ENPP2: variants seen among roughly 807,000 people sequenced by gnomAD.
ENPP2 encodes ectonucleotide pyrophosphatase/phosphodiesterase 2.
Under a neutral mutation model 120.2 loss-of-function variants are expected in ENPP2, and 51 were observed. That is an observed-to-expected ratio of 0.42 (90% confidence interval 0.34 to 0.54). ENPP2 has a LOEUF of 0.54. Among genes scored for constraint, ENPP2 ranks in the 20% least tolerant of loss-of-function variants. The probability of loss-of-function intolerance (pLI) is 0.04; values close to 1 mark genes in which losing one functional copy is unlikely to be tolerated. For synonymous variants in ENPP2, 365 were observed against 366.4 expected, an observed-to-expected ratio of 1.00 and a Z score of 0.04; for missense variants, 920 against 1,066.5, an observed-to-expected ratio of 0.86 and a Z score of 1.91.
intron 1 of ENPP2, among the ~76,000 whole-genome samples, chr8:119,644,380 G>A (rs1208031013): frequency 1.3e-5 from 2 of 151,200 alleles, no homozygotes; most frequent in Non-Finnish European, 1.5e-5. Context: ...GGGGCAGGAA[G>A]GTATTAAGTA....
chr8:119,583,839 C>CA (rs747402570), intron 16 of ENPP2, 35 bp from the exon 17 acceptor site: 51 of 1,448,440 alleles, frequency 3.5e-5, no homozygotes, highest in Admixed American at 5.1e-5. Flanking sequence ...AACAGTTAAG[C>CA]ATTGTTAGGT....
chr8:119,659,186 G>A (rs758314571), intron 1 of ENPP2, among the ~76,000 whole-genome samples: 9 of 151,978 alleles, frequency 5.9e-5, no homozygotes, highest in East Asian at 1.9e-4. Flanking sequence ...ATGTGGTAGC[G>A]TGCACCTGTA....
At chr8:119,651,676 C>A (rs993302069) in intron 1 of ENPP2, among the ~76,000 whole-genome samples, 1 of 152,186 alleles carries the variant, frequency 6.6e-6, no homozygotes, top group African/African-American at 2.4e-5. Flanking sequence ...ATAATAGGAG[C>A]CACAGATTAA....
chr8:119,610,800 G>A (rs527808894), intron 8 of ENPP2, among the ~76,000 whole-genome samples: 7 of 151,920 alleles, frequency 4.6e-5, no homozygotes, highest in Admixed American at 4.6e-4. Flanking sequence ...CTACTCAGGA[G>A]GCTGAGGCAG....
chr8:119,626,843 T>C (rs1816314575), intron 2 of ENPP2, 123 bp from the exon 3 acceptor site: 4 of 838,416 alleles, frequency 4.8e-6, no homozygotes, highest in Non-Finnish European at 7.7e-6. Flanking sequence ...ACTGGCTCCA[T>C]TACTTACTAC....
At position 119,570,690 on chromosome 8, in the gene ENPP2, A is replaced by T. The variant is rs1814890733; in HGVS notation, c.1917+15T>A. The T allele has an allele frequency of 1.4e-6, 2 of 1,453,512 alleles. No individual in the cohort carries two copies. Among genetic ancestry groups the T allele is most frequent in the Non-Finnish European group, 1.8e-6 (2 of 1,081,116 alleles). The allele number at this position is 1,453,512 out of a possible 1,614,324, so 90.0% of individuals were successfully genotyped here. The stretch of plus-strand genomic sequence containing the variant: ...TAATAAAATAAAAAATATAAAATCC[A>T]ATTTTCTCAATGACCTGTTTGGAAA... On this transcript the variant is annotated intron_variant, in intron 20 of 24. Coordinates refer to ENST00000075322, the MANE Select transcript of ENPP2 (RefSeq NM_001040092.3).
In ENPP2 at chr8:119,630,980, C is replaced by T. The variant is rs369002817; in HGVS notation, c.137-4260G>A. 1.8e-3 allele frequency among the ~76,000 whole-genome samples: 275 copies of T among 150,348 alleles called. 1 individual carries two copies. Among genetic ancestry groups the T allele is most frequent in the African/African-American group, 6.3e-3 (259 of 40,856 alleles). On this transcript the variant is annotated intron_variant, in intron 2 of 24. Coordinates refer to ENST00000075322, the MANE Select transcript of ENPP2 (RefSeq NM_001040092.3). Reference sequence around the variant, plus strand: ...TGCGATCTCGGCTCACTGCAACCCCCGCCTCCTGGGTTCAAGTGATTCTCC... The same window carrying T: ...TGCGATCTCGGCTCACTGCAACCCCTGCCTCCTGGGTTCAAGTGATTCTCC...
intron 24 of ENPP2, 133 bp downstream of exon 24, chr8:119,562,724 G>T: frequency 5.7e-6 from 5 of 876,916 alleles, no homozygotes; most frequent in East Asian, 2.6e-5. Flanking sequence ...AGTTCTGTTT[G>T]GTTCCTTTCT....
intron 10 of ENPP2, 110 bp from the exon 11 acceptor site, chr8:119,600,860 T>C: frequency 5.6e-6 from 4 of 717,080 alleles, no homozygotes; most frequent in South Asian, 3.5e-5. Context: ...GTTTAATTTA[T>C]CCTTTAACTA....
intron 20 of ENPP2, 44 bp from the exon 21 acceptor site, chr8:119,569,414 A>T: frequency 6.2e-7 from 1 of 1,604,230 alleles, no homozygotes; most frequent in Non-Finnish European, 8.5e-7. Flanking sequence ...TGGCTCTGTT[A>T]CGAACGGCTG....
chr8:119,568,386 C>A, intron 21 of ENPP2, 134 bp from the exon 22 acceptor site: 1 of 623,146 alleles, frequency 1.6e-6, no homozygotes, highest in Non-Finnish European at 2.9e-6. Context: ...TCTTTTATTC[C>A]TACTCCTAAC....
intron 1 of ENPP2, among the ~76,000 whole-genome samples, chr8:119,647,503 G>A (rs1425644886): frequency 3.9e-5 from 6 of 152,106 alleles, no homozygotes; most frequent in Non-Finnish European, 8.8e-5. Flanking sequence ...GCAAACCCAA[G>A]CCTCTTCACT....
Position 119,564,908 on chromosome 8 carries a change from C to T in ENPP2, c.2179G>A (p.Glu727Lys). The change falls in exon 23 of 25, where the codon GAA becomes AAA. Residue 727 changes from glutamate (E) to lysine (K), a missense_variant. Physicochemically the swap from Glu to Lys is moderately conservative, Grantham distance 56 (BLOSUM62 1). Transcript: ENST00000075322. ...QRVLVKKYAS[E>K]RNGVNVISGP... is the part of the protein sequence containing the mutation. Reference sequence around the variant, plus strand: ...CTTATCACGTTAACTCCATTTCTTTCCGAAGCATATTTCTTCACCAATACC... The same window carrying T: ...CTTATCACGTTAACTCCATTTCTTTTCGAAGCATATTTCTTCACCAATACC... 1 of 1,613,286 alleles carries T rather than the reference C, an allele frequency of 6.2e-7. No individual in the cohort carries two copies. The highest frequency in any genetic ancestry group is 8.5e-7 in the Non-Finnish European group (1 of 1,179,400).
chr8:119,611,748 G>T (rs1051032975), intron 8 of ENPP2, among the ~76,000 whole-genome samples: 1 of 152,130 alleles, frequency 6.6e-6, no homozygotes, highest in Admixed American at 6.5e-5. Flanking sequence ...TGGTCAGGCC[G>T]GGCGCCGTGG....
intron 13 of ENPP2, 131 bp downstream of exon 13, chr8:119,590,374 T>C: frequency 1.7e-6 from 1 of 594,642 alleles, no homozygotes; most frequent in South Asian, 3.1e-5. Context: ...AAATGACTTA[T>C]TTAAGGTCAC....
At chr8:119,568,096 G>C (rs1266227631) in intron 22 of ENPP2, 79 bp downstream of exon 22, 1 of 779,496 alleles carries the variant, frequency 1.3e-6, no homozygotes, top group Non-Finnish European at 2.2e-6. Context: ...AAAATTAACA[G>C]AGGTAGAAAA....
chr8:119,632,659 C>T (rs554011891), intron 2 of ENPP2, among the ~76,000 whole-genome samples: 10 of 152,162 alleles, frequency 6.6e-5, no homozygotes, highest in Non-Finnish European at 1.0e-4. Flanking sequence ...GTAAAACATA[C>T]GTTATTTCAT....
At chr8:119,666,972 G>A (rs925905033) in intron 1 of ENPP2, among the ~76,000 whole-genome samples, 7 of 152,154 alleles carry the variant, frequency 4.6e-5, no homozygotes, top group African/African-American at 1.7e-4. Flanking sequence ...AGTATGAGTA[G>A]TTCATGGGAG....
At position 119,600,749 on chromosome 8, in the gene ENPP2, G is replaced by T; in HGVS notation, c.901C>A (p.Pro301Thr). The change falls in exon 11 of 25, where the codon CCT becomes ACT. Residue 301 changes from proline (P) to threonine (T), a missense_variant and splice_region_variant. Coordinates refer to ENST00000075322, the MANE Select transcript of ENPP2 (RefSeq NM_001040092.3). Reference sequence around the variant, plus strand: ...TCAGAATAGAAGGCATAGACCGAAGGCCTATAAGAAAATTGGAAGGTTCAG... The same window carrying T: ...TCAGAATAGAAGGCATAGACCGAAGTCCTATAAGAAAATTGGAAGGTTCAG... ...QWLTLPDHER[P>T]SVYAFYSEQP... 6.2e-7 allele frequency: 1 copy of T among 1,600,408 alleles called. No individual in the cohort carries two copies. Among genetic ancestry groups the T allele is most frequent in the Non-Finnish European group, 8.6e-7 (1 of 1,167,804 alleles).
Sources: allele counts gnomAD v4.1 joint callset (sites outside exome capture counted in the v4.1 genomes callset), GRCh38; gene constraint gnomAD v4.1.1; transcripts MANE v1.5; gene names NCBI Gene and HGNC (gene_info 2026-07-23, HGNC 2026-07-21).